The following KSR2 variants were observed in gnomAD, a reference collection of about 807,000 sequenced individuals.
KSR2 encodes kinase suppressor of ras 2.
Under a neutral mutation model 107.8 loss-of-function variants are expected in KSR2, and 25 were observed. That is an observed-to-expected ratio of 0.23 (90% confidence interval 0.17 to 0.32). KSR2 has a LOEUF of 0.32. Ranked by LOEUF, KSR2 falls within the 10% of genes least tolerant of loss-of-function variation. KSR2 has a pLI of 1.00. For missense variants in KSR2, 887 were observed against 1,268.9 expected (o/e 0.70, Z 4.57); for synonymous variants, 480 against 507.0 (o/e 0.95, Z 0.71).
chr12:117,488,042 C>G (rs150721677), intron 14 of KSR2, among the ~76,000 whole-genome samples: 1 of 152,122 alleles, frequency 6.6e-6, no homozygotes, highest in Non-Finnish European at 1.5e-5. Context: ...ATACTGTTCT[C>G]CTGGTATTGA....
rs957793263 is a variant in KSR2 at position 117,455,659 on chromosome 12, A to G, written c.*11540T>C. The stretch of plus-strand genomic sequence containing the variant: ...ATTTACTAAATGACTATATAAAATG[A>G]AGATTTGGGGAATGAAGGGACAAGG... On this transcript the variant is annotated 3_prime_UTR_variant, in exon 20 of 20. Coordinates refer to ENST00000339824, the MANE Select transcript of KSR2 (RefSeq NM_173598.6). 1.3e-5 allele frequency: 2 copies of G among 152,210 alleles called. No homozygotes were observed. Among genetic ancestry groups the G allele is most frequent in the South Asian group, 2.1e-4 (1 of 4,832 alleles). 9.4% of individuals were successfully genotyped at this position (152,210 alleles called of 1,614,324 possible). A position where few individuals can be genotyped will look rare whatever the true frequency, so the allele number is the denominator to read the frequency against.
chr12:117,671,410 C>G (rs1884902260), intron 4 of KSR2, among the ~76,000 whole-genome samples: 1 of 152,202 alleles, frequency 6.6e-6, no homozygotes, highest in South Asian at 2.1e-4. Context: ...CCTATTTTTT[C>G]AGATTTGCTG....
At chr12:117,741,144 A>G (rs1888203213) in intron 4 of KSR2, among the ~76,000 whole-genome samples, 1 of 152,190 alleles carries the variant, frequency 6.6e-6, no homozygotes, top group Non-Finnish European at 1.5e-5. Flanking sequence ...AATCTGGGAC[A>G]ATTTGAGCAT....
chr12:117,936,428 G>T (rs1016160888), intron 1 of KSR2, among the ~76,000 whole-genome samples: 1 of 152,126 alleles, frequency 6.6e-6, no homozygotes, highest in Non-Finnish European at 1.5e-5. Context: ...CTGTGCTCAT[G>T]TGATCCTCCC....
At chr12:117,540,099 T>C (rs1876372393) in intron 9 of KSR2, among the ~76,000 whole-genome samples, 2 of 152,020 alleles carry the variant, frequency 1.3e-5, no homozygotes, top group South Asian at 4.1e-4. Context: ...GGAGTCGAAT[T>C]CCTGTCCACT....
At chr12:117,712,157 C>A (rs1886808096) in intron 4 of KSR2, among the ~76,000 whole-genome samples, 1 of 152,200 alleles carries the variant, frequency 6.6e-6, no homozygotes, top group Admixed American at 6.5e-5. Context: ...CAAGAAGTGG[C>A]AGGTGAGGTA....
chr12:117,677,914 A>C (rs1885204772), intron 4 of KSR2, among the ~76,000 whole-genome samples: 1 of 151,932 alleles, frequency 6.6e-6, no homozygotes, highest in Admixed American at 6.5e-5. Context: ...CAGATGAAGA[A>C]ACCGAGTCCA....
intron 3 of KSR2, among the ~76,000 whole-genome samples, chr12:117,799,687 G>A (rs1210108169): frequency 6.6e-6 from 1 of 152,168 alleles, no homozygotes; most frequent in Non-Finnish European, 1.5e-5. Context: ...GTCACTTCAA[G>A]CTGAGTGACC....
intron 4 of KSR2, among the ~76,000 whole-genome samples, chr12:117,755,667 C>T (rs1205835209): frequency 6.6e-6 from 1 of 152,188 alleles, no homozygotes; most frequent in Non-Finnish European, 1.5e-5. Context: ...AGCCTCTAAG[C>T]GTTCCAGTGA....
intron 3 of KSR2, among the ~76,000 whole-genome samples, chr12:117,772,281 ACACT>A (rs199511538): frequency 1.7e-4 from 24 of 140,432 alleles, no homozygotes; most frequent in East Asian, 2.3e-4. Flanking sequence ...AGACGCACAC[ACACT>A]CACACATACA....
At chr12:117,623,177 G>C (rs1593061954) in intron 5 of KSR2, among the ~76,000 whole-genome samples, 1 of 152,192 alleles carries the variant, frequency 6.6e-6, no homozygotes, top group South Asian at 2.1e-4. Context: ...GTGAATACCA[G>C]TTAAATTCCA....
intron 14 of KSR2, among the ~76,000 whole-genome samples, chr12:117,503,796 T>C (rs952017138): frequency 2.0e-5 from 3 of 151,998 alleles, no homozygotes; most frequent in African/African-American, 4.8e-5. Context: ...AAATACAAAG[T>C]GAGTGAGGCC....
intron 4 of KSR2, among the ~76,000 whole-genome samples, chr12:117,694,599 G>A (rs569112868): frequency 6.6e-5 from 10 of 152,220 alleles, no homozygotes; most frequent in East Asian, 5.8e-4. Context: ...AACTCAAACC[G>A]ATACTGGTTC....
At chr12:117,815,016 T>A (rs1055582593) in intron 3 of KSR2, among the ~76,000 whole-genome samples, 3 of 152,168 alleles carry the variant, frequency 2.0e-5, no homozygotes, top group African/African-American at 7.2e-5. Flanking sequence ...GAAATACAGA[T>A]GGCTCTTAAA....
intron 5 of KSR2, among the ~76,000 whole-genome samples, chr12:117,584,079 G>C (rs1479746718): frequency 2.0e-5 from 3 of 152,138 alleles, no homozygotes; most frequent in East Asian, 3.9e-4. Flanking sequence ...GTAAAGCTGG[G>C]ATCCTTTATG....
At chr12:117,843,312 C>T (rs1892565299) in intron 3 of KSR2, among the ~76,000 whole-genome samples, 1 of 152,170 alleles carries the variant, frequency 6.6e-6, no homozygotes, top group Non-Finnish European at 1.5e-5. Flanking sequence ...CTTCTTTAAT[C>T]CCCTCCAGTG....
At chr12:117,863,233 C>A (rs1218917003) in intron 1 of KSR2, among the ~76,000 whole-genome samples, 1 of 152,128 alleles carries the variant, frequency 6.6e-6, no homozygotes, top group Non-Finnish European at 1.5e-5. Context: ...GCCACTGAGA[C>A]CCCACCAGGA....
chr12:117,545,363 G>A, intron 9 of KSR2, among the ~76,000 whole-genome samples: 1 of 152,180 alleles, frequency 6.6e-6, no homozygotes, highest in South Asian at 2.1e-4. Context: ...ATTGTGTACA[G>A]TTGGTGTTAA....
intron 1 of KSR2, among the ~76,000 whole-genome samples, chr12:117,931,261 C>T (rs1895688709): frequency 6.6e-6 from 1 of 152,072 alleles, no homozygotes; most frequent in African/African-American, 2.4e-5. Flanking sequence ...CAGTCCACGC[C>T]CTGTTCCTAG....
Sources: gnomAD v4.1 joint callset for allele counts (sites outside exome capture counted in the v4.1 genomes callset) on GRCh38, gnomAD v4.1.1 for gene constraint, MANE v1.5 for transcripts, NCBI Gene and HGNC (gene_info 2026-07-23, HGNC 2026-07-21) for gene names.